The following NRG1 variants were observed in gnomAD, a reference collection of about 807,000 sequenced individuals.
NRG1 encodes the protein pro-neuregulin-1, membrane-bound isoform.
A neutral mutation model predicts 63.8 loss-of-function variants in NRG1; 18 were observed. The ratio of observed to expected loss-of-function variants is 0.28; its 90% CI spans 0.19 to 0.42. NRG1 has a LOEUF of 0.42. NRG1 is among the 10% of genes least tolerant of loss of function. The pLI is 1.00. For missense variants in NRG1, 762 were observed against 814.7 expected, an observed-to-expected ratio of 0.94 and a Z score of 0.79; for synonymous variants, 302 against 301.3, an observed-to-expected ratio of 1.00 and a Z score of -0.02.
In NRG1 at chr8:31,692,944, A is replaced by G. The variant is rs1809676747; in HGVS notation, c.37+53513A>G. Among the ~76,000 whole-genome samples, 4 of 152,188 alleles carry G rather than the reference A, an allele frequency of 2.6e-5. No homozygotes were observed. The South Asian group carries it at 8.3e-4, about 32-fold the overall frequency. The stretch of plus-strand genomic sequence containing the variant: ...GTATGTTAAGAATCTCTGAAGATAC[A>G]ACCTGGGTTGGACGATTACCCAAGA... On this transcript the variant is annotated intron_variant, in intron 1 of 10. Coordinates refer to the NRG1 transcript ENST00000519301.
intron 1 of NRG1, among the ~76,000 whole-genome samples, chr8:32,245,820 C>G (rs1312631511): frequency 1.3e-5 from 2 of 152,082 alleles, no homozygotes. Context: ...TTTTAAAAAC[C>G]ACTTGAGGCT....
chr8:31,927,517 C>T (rs1834470586), intron 1 of NRG1, among the ~76,000 whole-genome samples: 1 of 132,712 alleles, frequency 7.5e-6, no homozygotes, highest in African/African-American at 2.9e-5. Context: ...GGCGGGATCT[C>T]GGCTCACTGC....
At chr8:31,777,828 G>A (rs1408820075) in intron 1 of NRG1, among the ~76,000 whole-genome samples, 1 of 152,124 alleles carries the variant, frequency 6.6e-6, no homozygotes, top group Non-Finnish European at 1.5e-5. Flanking sequence ...GGAGACTCTT[G>A]TGGGAACTAA....
intron 1 of NRG1, among the ~76,000 whole-genome samples, chr8:32,091,277 CAAAA>C (rs34853603): frequency 8.4e-6 from 1 of 119,330 alleles, no homozygotes; most frequent in Non-Finnish European, 1.8e-5. Flanking sequence ...GACTTGGTCT[CAAAA>C]AAAAAAAAAA....
chr8:32,722,697 T>C (rs541198354), intron 5 of NRG1, among the ~76,000 whole-genome samples: 73 of 152,292 alleles, frequency 4.8e-4, no homozygotes, highest in African/African-American at 1.7e-3. Context: ...CATAATATTG[T>C]AAGTAAGTTT....
chr8:31,880,379 A>C (rs1830258298), intron 1 of NRG1, among the ~76,000 whole-genome samples: 1 of 152,114 alleles, frequency 6.6e-6, no homozygotes, highest in South Asian at 2.1e-4. Context: ...GGGTTTTGGC[A>C]GCATACGACC....
intron 1 of NRG1, among the ~76,000 whole-genome samples, chr8:31,692,742 A>C (rs1483791908): frequency 2.0e-5 from 3 of 152,182 alleles, no homozygotes; most frequent in African/African-American, 7.2e-5. Context: ...AAATGTGATT[A>C]TATTGGGCCT....
Position 31,917,800 on chromosome 8 carries a change from A to G in NRG1, c.37+278369A>G, listed in dbSNP as rs558584066. Among the ~76,000 whole-genome samples, 14 of 152,274 alleles carry G rather than the reference A, an allele frequency of 9.2e-5. 1 individual carries two copies. The South Asian group carries it at 2.7e-3, about 29-fold the overall frequency. ...GAATCTATAAATTACCTTGGGCAGTATGGCCATTTTCATGATATTGACTCT... is the reference window on the plus strand; with the variant it reads ...GAATCTATAAATTACCTTGGGCAGTGTGGCCATTTTCATGATATTGACTCT... On this transcript the variant is annotated intron_variant, in intron 1 of 10. Transcript: ENST00000519301.
At chr8:31,984,693 C>G (rs1809747198) in intron 1 of NRG1, among the ~76,000 whole-genome samples, 1 of 152,002 alleles carries the variant, frequency 6.6e-6, no homozygotes, top group Non-Finnish European at 1.5e-5. Context: ...CTTCTCCAGC[C>G]AAGATTATGA....
chr8:32,122,811 TC>T (rs916348359), intron 1 of NRG1, among the ~76,000 whole-genome samples: 1 of 151,630 alleles, frequency 6.6e-6, no homozygotes, highest in African/African-American at 2.4e-5. Flanking sequence ...AGTGTGATGT[TC>T]CCCTTCCTGT....
intron 5 of NRG1, among the ~76,000 whole-genome samples, chr8:32,625,952 C>T (rs1849187614): frequency 6.6e-6 from 1 of 151,998 alleles, no homozygotes; most frequent in Non-Finnish European, 1.5e-5. Flanking sequence ...TGCCACCACG[C>T]CTGGCTAATT....
intron 1 of NRG1, among the ~76,000 whole-genome samples, chr8:32,502,891 A>T (rs1828031202): frequency 6.6e-6 from 1 of 152,146 alleles, no homozygotes; most frequent in Admixed American, 6.5e-5. Flanking sequence ...ACATTCTCTC[A>T]TAATTTCTAG....
intron 1 of NRG1, among the ~76,000 whole-genome samples, chr8:31,741,016 C>T (rs1170890148): frequency 1.3e-5 from 2 of 152,030 alleles, no homozygotes; most frequent in Non-Finnish European, 1.5e-5. Context: ...GGTACATATG[C>T]ACCATGGAAT....
At chr8:31,668,024 G>T (rs1334124352) in intron 1 of NRG1, among the ~76,000 whole-genome samples, 1 of 152,174 alleles carries the variant, frequency 6.6e-6, no homozygotes, top group Non-Finnish European at 1.5e-5. Context: ...ATTAATTTCT[G>T]ATTCTTCTAT....
At chr8:32,391,284 C>A (rs1164006982) in intron 1 of NRG1, among the ~76,000 whole-genome samples, 3 of 151,978 alleles carry the variant, frequency 2.0e-5, no homozygotes, top group Non-Finnish European at 4.4e-5. Flanking sequence ...GCATGCACCA[C>A]CATGCTCAGG....
chr8:31,722,384 T>C (rs1019353036), intron 1 of NRG1, among the ~76,000 whole-genome samples: 5 of 152,128 alleles, frequency 3.3e-5, no homozygotes, highest in African/African-American at 7.2e-5. Context: ...TGTTCTCTTA[T>C]AGGCTTGGAT....
chr8:32,366,630 T>C (rs967186792), intron 1 of NRG1, among the ~76,000 whole-genome samples: 2 of 148,660 alleles, frequency 1.3e-5, no homozygotes, highest in African/African-American at 4.9e-5. Flanking sequence ...TATATGTATA[T>C]ATACACATAT....
At chr8:32,527,053 G>A (rs1830925352) in intron 1 of NRG1, among the ~76,000 whole-genome samples, 1 of 152,128 alleles carries the variant, frequency 6.6e-6, no homozygotes, top group Admixed American at 6.5e-5. Flanking sequence ...ATTGGCATCT[G>A]TACTTGGACT....
chr8:32,089,876 A>C (rs1828846963), intron 1 of NRG1, among the ~76,000 whole-genome samples: 1 of 152,238 alleles, frequency 6.6e-6, no homozygotes, highest in Admixed American at 6.5e-5. Context: ...TTGAGACTAA[A>C]GGAAATAGAA....
Sources: gnomAD v4.1 joint callset for allele counts (sites outside exome capture counted in the v4.1 genomes callset) on GRCh38, gnomAD v4.1.1 for gene constraint, MANE v1.5 for transcripts, NCBI Gene and HGNC (gene_info 2026-07-23, HGNC 2026-07-21) for gene names.